Variants in PITPNM2 observed in about 807,000 individuals in gnomAD.
PITPNM2 encodes the protein membrane-associated phosphatidylinositol transfer protein 2.
Under a neutral mutation model 132.2 loss-of-function variants are expected in PITPNM2, and 35 were observed. The ratio of observed to expected loss-of-function variants is 0.26; its 90% CI spans 0.20 to 0.35. The LOEUF (loss-of-function observed/expected upper bound fraction) is 0.35, where lower values mean the gene tolerates loss of function less well. PITPNM2 is among the 10% of genes least tolerant of loss of function. The pLI, the probability that PITPNM2 is intolerant of heterozygous loss-of-function variation, is 1.00. For missense variants in PITPNM2, 1,332 were observed against 1,912.0 expected, an observed-to-expected ratio of 0.70 and a Z score of 5.66; for synonymous variants, 738 against 799.2, an observed-to-expected ratio of 0.92 and a Z score of 1.29.
At chr12:122,987,114 C>T (rs998474455) in intron 23 of PITPNM2, among the ~76,000 whole-genome samples, 167 bp downstream of exon 23, 1 of 152,236 alleles carries the variant, frequency 6.6e-6, no homozygotes, top group African/African-American at 2.4e-5. Context: ...CAAGGTGACA[C>T]GGCTAATAAT....
chr12:123,034,257 G>A (rs2040195459), intron 3 of PITPNM2: 3 of 497,540 alleles, frequency 6.0e-6, no homozygotes, highest in South Asian at 3.6e-5. Flanking sequence ...GGTGCTGAAC[G>A]CAAGGGCAAG....
At chr12:123,127,286 G>C (rs1310720571) in intron 1 of PITPNM2, among the ~76,000 whole-genome samples, 1 of 152,148 alleles carries the variant, frequency 6.6e-6, no homozygotes, top group Non-Finnish European at 1.5e-5. Context: ...CAGGTCGCAG[G>C]GGACCCAGGA....
intron 2 of PITPNM2, chr12:123,076,085 C>T (rs1335101784): frequency 6.6e-6 from 1 of 152,296 alleles, no homozygotes; most frequent in East Asian, 1.9e-4. Context: ...CAAACCAAAA[C>T]CAAACTAAAC....
In PITPNM2 at chr12:123,082,034, C is replaced by G. The variant is rs999387568; in HGVS notation, c.-96+28351G>C. On this transcript the variant is annotated intron_variant, in intron 2 of 25. Coordinates refer to ENST00000320201, the MANE Select transcript of PITPNM2 (RefSeq NM_020845.3). This position sits in a 1 kb window ranked among gnomAD's most constrained non-coding sequence, Gnocchi z 5.4. ...GGTGGGAGCTGTAGCTGAGGATGGG[C>G]CTGTACCCCCACCCTGCAAAGCCTT... 1 of 152,370 alleles carries G rather than the reference C, an allele frequency of 6.6e-6. No individual in the cohort carries two copies. The highest frequency in any genetic ancestry group is 2.4e-5 in the African/African-American group (1 of 41,464). 9.4% of individuals were successfully genotyped at this position (152,370 alleles called of 1,614,324 possible).
At chr12:123,050,411 T>C (rs993251013) in intron 2 of PITPNM2, among the ~76,000 whole-genome samples, 13 of 152,176 alleles carry the variant, frequency 8.5e-5, no homozygotes, top group Admixed American at 8.5e-4. Flanking sequence ...ACTGAGTCAT[T>C]TGACAAGGCC....
chr12:122,991,934 C>T, intron 16 of PITPNM2: 1 of 1,304,530 alleles, frequency 7.7e-7, no homozygotes, highest in Non-Finnish European at 9.7e-7. Context: ...AGGACAAGAA[C>T]AGACACTTGC....
intron 2 of PITPNM2, among the ~76,000 whole-genome samples, chr12:123,060,617 A>G (rs983651187): frequency 6.6e-6 from 1 of 152,250 alleles, no homozygotes; most frequent in African/African-American, 2.4e-5. Flanking sequence ...CTGTCAACAA[A>G]AGAGCCAGAA....
chr12:122,989,704 G>T (rs1318904309), intron 18 of PITPNM2, 83 bp downstream of exon 18: 2 of 1,267,060 alleles, frequency 1.6e-6, no homozygotes, highest in Non-Finnish European at 2.0e-6. Flanking sequence ...CCGAAGCGGG[G>T]GTCTAGGTGG....
At chr12:123,128,751 C>CAA (rs776224035) in intron 1 of PITPNM2, among the ~76,000 whole-genome samples, 4 of 92,052 alleles carry the variant, frequency 4.3e-5, no homozygotes, top group African/African-American at 1.2e-4. Flanking sequence ...GACTCGATAT[C>CAA]AAAAAAAAAA....
chr12:123,028,147 G>A (rs2039933295), intron 3 of PITPNM2, among the ~76,000 whole-genome samples: 1 of 152,208 alleles, frequency 6.6e-6, no homozygotes, highest in Admixed American at 6.5e-5. Flanking sequence ...CCAGGGTCCT[G>A]GCCAGGCCAC....
intron 1 of PITPNM2, among the ~76,000 whole-genome samples, chr12:123,145,423 C>A (rs1277952333): frequency 2.6e-5 from 4 of 152,132 alleles, no homozygotes; most frequent in Non-Finnish European, 1.5e-5. Context: ...AACACTCTGC[C>A]TTTTCCCTGG....
intron 2 of PITPNM2, among the ~76,000 whole-genome samples, chr12:123,098,401 T>C (rs913106053): frequency 1.3e-5 from 2 of 152,006 alleles, no homozygotes; most frequent in Non-Finnish European, 2.9e-5. Context: ...AGGGCAGCAG[T>C]ACGAGATAAG....
At chr12:123,032,880 C>CCG (rs1297502244) in intron 3 of PITPNM2, among the ~76,000 whole-genome samples, 3 of 152,192 alleles carry the variant, frequency 2.0e-5, no homozygotes, top group Non-Finnish European at 4.4e-5. Flanking sequence ...AACAGCCCCC[C>CCG]GGAGAGGCTG....
intron 2 of PITPNM2, among the ~76,000 whole-genome samples, chr12:123,066,759 T>C (rs1411126294): frequency 1.3e-5 from 2 of 152,136 alleles, no homozygotes; most frequent in East Asian, 3.9e-4. Flanking sequence ...AAAATACGTG[T>C]CTGACTAGTA....
At chr12:122,991,779 C>T (rs1594122475) in intron 16 of PITPNM2, 13 of 1,298,122 alleles carry the variant, frequency 1.0e-5, no homozygotes, top group Admixed American at 3.1e-5. Context: ...GGGCGGGGCC[C>T]GTCTTGCCAG....
At chr12:123,121,853 C>T (rs2043039288) in intron 1 of PITPNM2, among the ~76,000 whole-genome samples, 1 of 150,488 alleles carries the variant, frequency 6.6e-6, no homozygotes, top group South Asian at 2.1e-4. Flanking sequence ...CCCATGTCAA[C>T]CTTTTGTTTG....
In PITPNM2 at chr12:123,064,199, T is replaced by A. The variant is rs1176962390; in HGVS notation, c.-95-29514A>T. Among the ~76,000 whole-genome samples, 1 of 152,208 alleles carries A rather than the reference T, an allele frequency of 6.6e-6. No homozygotes were observed. Among genetic ancestry groups the A allele is most frequent in the African/African-American group, 2.4e-5 (1 of 41,454 alleles). On this transcript the variant is annotated intron_variant, in intron 2 of 25. Coordinates refer to ENST00000320201, the MANE Select transcript of PITPNM2 (RefSeq NM_020845.3). This position sits in a 1 kb window ranked among gnomAD's most constrained non-coding sequence, Gnocchi z 4.0. ...ACTGTTTCGACCCTCCCAGCAACGC[T>A]GCCAGCAGGCAGACAGACGCACTCT...
Position 123,014,020 on chromosome 12 carries a change from T to C in PITPNM2, c.101A>G (p.Tyr34Cys). ...GATCTCCACGCCGCTGCCTTCGCCA[T>C]ATGTCTCGTTACGGCTCTTCTTCTG... is the stretch of plus-strand genomic sequence containing the variant. ...MIQKKSRNET[Y>C]GEGSGVEILE... The change falls in exon 4 of 26, where the codon TAT becomes TGT. Residue 34 changes from tyrosine to cysteine, a missense_variant. Transcript: ENST00000320201. The C allele has an allele frequency of 3.7e-6, 6 of 1,614,216 alleles. No individual in the cohort carries two copies. The highest frequency in any genetic ancestry group is 5.1e-6 in the Non-Finnish European group (6 of 1,180,038).
intron 2 of PITPNM2, among the ~76,000 whole-genome samples, chr12:123,054,811 C>T (rs989837682): frequency 2.6e-5 from 4 of 152,210 alleles, no homozygotes; most frequent in African/African-American, 9.7e-5. Context: ...TGCCTGTAAT[C>T]CCAGCACTTT....
Sources: gnomAD v4.1 joint callset for allele counts (sites outside exome capture counted in the v4.1 genomes callset) on GRCh38, gnomAD v4.1.1 for gene constraint, Gnocchi (gnomAD v3.1) non-coding constraint, MANE v1.5 for transcripts, NCBI Gene and HGNC (gene_info 2026-07-23, HGNC 2026-07-21) for gene names.